Variants in TENM2 observed in about 807,000 individuals in gnomAD.
TENM2 encodes teneurin-2.
TENM2 carries 52 observed loss-of-function variants against 245.2 expected under a neutral mutation model. That is an observed-to-expected ratio of 0.21 (90% CI 0.17 to 0.27). The LOEUF is 0.27. TENM2 is among the 10% of genes least tolerant of loss of function. TENM2 has a pLI of 1.00. For synonymous variants in TENM2, 1,363 were observed against 1,438.9 expected (o/e 0.95, Z 1.19); for missense variants, 3,046 against 3,666.8 (o/e 0.83, Z 4.37).
At chr5:167,970,465 A>G (rs1781693191) in intron 4 of TENM2, among the ~76,000 whole-genome samples, 1 of 152,196 alleles carries the variant, frequency 6.6e-6, no homozygotes, top group African/African-American at 2.4e-5. Context: ...AACTCAAAAC[A>G]TCTCGATGCA....
intron 2 of TENM2, among the ~76,000 whole-genome samples, chr5:167,564,255 A>T (rs1773763429): frequency 6.6e-6 from 1 of 152,138 alleles, no homozygotes; most frequent in Admixed American, 6.5e-5. Flanking sequence ...TTTTGGAGGA[A>T]ACACCCAAAC....
At chr5:167,201,077 A>G in the TENM2 span, among the ~76,000 whole-genome samples, 1 of 152,162 alleles carries the variant, frequency 6.6e-6, no homozygotes, top group Non-Finnish European at 1.5e-5. Context: ...AGTGGTTTTC[A>G]AAGTCTTTCG....
intron 4 of TENM2, among the ~76,000 whole-genome samples, chr5:167,975,480 A>G (rs1243979721): frequency 6.6e-6 from 1 of 151,512 alleles, no homozygotes; most frequent in Non-Finnish European, 1.5e-5. Flanking sequence ...ACTGAAATAT[A>G]TAGATCTGTT....
intron 2 of TENM2, among the ~76,000 whole-genome samples, chr5:167,526,489 T>A (rs756044680): frequency 3.9e-5 from 6 of 152,188 alleles, no homozygotes; most frequent in Non-Finnish European, 8.8e-5. Context: ...AAGAAGCCTA[T>A]ATCACTACTT....
At chr5:167,246,049 C>A in the TENM2 span, among the ~76,000 whole-genome samples, 2 of 152,268 alleles carry the variant, frequency 1.3e-5, no homozygotes, top group South Asian at 4.1e-4. Flanking sequence ...AGATGAGTTA[C>A]TCCTCCTCTC....
At chr5:167,921,966 C>G (rs1777405636) in intron 3 of TENM2, among the ~76,000 whole-genome samples, 1 of 152,176 alleles carries the variant, frequency 6.6e-6, no homozygotes, top group Admixed American at 6.5e-5. Context: ...TCACACTTAT[C>G]TGATTTCTTA....
At chr5:167,252,117 G>C in the TENM2 span, among the ~76,000 whole-genome samples, 3 of 152,114 alleles carry the variant, frequency 2.0e-5, no homozygotes, top group African/African-American at 7.2e-5. Context: ...GAGTTCATAA[G>C]ATTAATTTGT....
At chr5:167,335,173 G>T (rs938642020) in intron 1 of TENM2, among the ~76,000 whole-genome samples, 1 of 152,180 alleles carries the variant, frequency 6.6e-6, no homozygotes, top group African/African-American at 2.4e-5. Context: ...TTGACTCATG[G>T]CAGAAGGCAA....
chr5:167,145,892 T>G, the TENM2 span, among the ~76,000 whole-genome samples: 1 of 152,206 alleles, frequency 6.6e-6, no homozygotes, highest in African/African-American at 2.4e-5. Flanking sequence ...TCTTTACAGC[T>G]CGTTCACCTA....
rs377380722 is a variant in TENM2 at position 168,212,512 on chromosome 5, C to T, written c.3845+758C>T. On this transcript the variant is annotated intron_variant, in intron 20 of 28. Transcript: ENST00000518659. ...AAGAGAAAAAACAAAGCAATCTGTA[C>T]CACTACTCAACGGAATGCTTCTGCT... is the stretch of plus-strand genomic sequence containing the variant. Among the ~76,000 whole-genome samples, 13 of 152,288 alleles carry T rather than the reference C, an allele frequency of 8.5e-5. No individual in the cohort carries two copies. The South Asian group carries it at 2.3e-3, about 27-fold the overall frequency.
the TENM2 span, among the ~76,000 whole-genome samples, chr5:167,154,772 T>G: frequency 1.3e-5 from 2 of 152,202 alleles, no homozygotes; most frequent in Non-Finnish European, 2.9e-5. Context: ...TTATTTTTCC[T>G]GAATTTAAAA....
chr5:167,019,573 C>T, the TENM2 span, among the ~76,000 whole-genome samples: 1 of 152,074 alleles, frequency 6.6e-6, no homozygotes, highest in South Asian at 2.1e-4. Flanking sequence ...TGGGTTCAAG[C>T]AATTCTCCTG....
At chr5:167,995,295 T>C (rs1004999794) in intron 5 of TENM2, among the ~76,000 whole-genome samples, 2 of 152,230 alleles carry the variant, frequency 1.3e-5, no homozygotes, top group African/African-American at 4.8e-5. Flanking sequence ...ATCAGGTATG[T>C]AACTTGTAAA....
At chr5:168,159,964 G>A (rs1456121476) in intron 12 of TENM2, among the ~76,000 whole-genome samples, 3 of 152,150 alleles carry the variant, frequency 2.0e-5, no homozygotes, top group African/African-American at 4.8e-5. Flanking sequence ...TTGATGTAGC[G>A]GACGTGGGTT....
At chr5:167,391,232 C>T (rs913856705) in intron 2 of TENM2, among the ~76,000 whole-genome samples, 1 of 152,014 alleles carries the variant, frequency 6.6e-6, no homozygotes, top group Non-Finnish European at 1.5e-5. Flanking sequence ...AATGGTGTAG[C>T]CTTCACCAAA....
intron 25 of TENM2, among the ~76,000 whole-genome samples, chr5:168,238,299 G>GA (rs1380894083): frequency 9.1e-5 from 13 of 143,144 alleles, no homozygotes; most frequent in East Asian, 2.0e-4. Flanking sequence ...GAAAAGAAAA[G>GA]AAAAAATCCC....
At chr5:167,676,139 A>G (rs1756309174) in intron 2 of TENM2, among the ~76,000 whole-genome samples, 1 of 152,084 alleles carries the variant, frequency 6.6e-6, no homozygotes, top group South Asian at 2.1e-4. Context: ...TTTCCAGAAT[A>G]TGGATGTCAT....
At chr5:167,589,236 A>G (rs1402012662) in intron 2 of TENM2, among the ~76,000 whole-genome samples, 2 of 151,628 alleles carry the variant, frequency 1.3e-5, no homozygotes, top group Non-Finnish European at 2.9e-5. Flanking sequence ...TTAGGTTTCC[A>G]TTAGAGAATG....
At chr5:167,393,121 CG>C (rs939459172) in intron 2 of TENM2, among the ~76,000 whole-genome samples, 1 of 142,540 alleles carries the variant, frequency 7.0e-6, no homozygotes, top group Non-Finnish European at 1.5e-5. Flanking sequence ...GACTCCATCT[CG>C]GGGGAAAAAA....
Sources: allele counts gnomAD v4.1 joint callset (sites outside exome capture counted in the v4.1 genomes callset), GRCh38; gene constraint gnomAD v4.1.1; transcripts MANE v1.5; gene names NCBI Gene and HGNC (gene_info 2026-07-23, HGNC 2026-07-21).